Variants in PLEKHA7 observed in about 807,000 individuals in gnomAD.
PLEKHA7 encodes the protein pleckstrin homology domain containing A7.
In PLEKHA7, 104 loss-of-function variants were observed where a neutral mutation model predicts 170.0. The observed-to-expected ratio is 0.61, with a 90% CI of 0.52 to 0.72. The LOEUF (loss-of-function observed/expected upper bound fraction) is 0.72, where lower values mean the gene tolerates loss of function less well. Ranked by LOEUF, PLEKHA7 falls within the 30% of genes least tolerant of loss-of-function variation. The probability of loss-of-function intolerance (pLI) is 0.00; values close to 1 mark genes in which losing one functional copy is unlikely to be tolerated. For synonymous variants in PLEKHA7, 648 were observed against 660.8 expected, an observed-to-expected ratio of 0.98 and a Z score of 0.30; for missense variants, 1,615 against 1,671.7, an observed-to-expected ratio of 0.97 and a Z score of 0.59.
intron 26 of PLEKHA7, among the ~76,000 whole-genome samples, chr11:16,780,665 G>A (rs1848955242): frequency 6.6e-6 from 1 of 152,226 alleles, no homozygotes; most frequent in Admixed American, 6.5e-5. Context: ...GAGAGCAGGG[G>A]ATGGGGGCAC....
chr11:16,987,077 T>C (rs1207127231), intron 3 of PLEKHA7, among the ~76,000 whole-genome samples: 2 of 152,186 alleles, frequency 1.3e-5, no homozygotes, highest in African/African-American at 4.8e-5. Context: ...ATGGGAAATT[T>C]GCAGGCCTCC....
intron 9 of PLEKHA7, among the ~76,000 whole-genome samples, chr11:16,841,128 G>C (rs1161754951): frequency 6.6e-6 from 1 of 152,162 alleles, no homozygotes; most frequent in Non-Finnish European, 1.5e-5. Flanking sequence ...ACAGACTCAG[G>C]AATTTCAAGA....
chr11:16,941,016 C>A (rs1401584333), intron 3 of PLEKHA7, among the ~76,000 whole-genome samples: 5 of 152,186 alleles, frequency 3.3e-5, no homozygotes, highest in Non-Finnish European at 7.3e-5. Flanking sequence ...TGTGGCATGT[C>A]TTTCTCCAAC....
chr11:16,834,936 A>G (rs1009928723), intron 9 of PLEKHA7, among the ~76,000 whole-genome samples: 1 of 152,152 alleles, frequency 6.6e-6, no homozygotes, highest in Non-Finnish European at 1.5e-5. Flanking sequence ...AATGTCTATC[A>G]TGGAATTCTG....
chr11:16,962,495 C>G (rs1156394134), intron 3 of PLEKHA7, among the ~76,000 whole-genome samples: 11 of 152,192 alleles, frequency 7.2e-5, no homozygotes, highest in Admixed American at 7.2e-4. Flanking sequence ...CAGTCTCATA[C>G]CATTGCCCAG....
At chr11:16,892,426 GTGTGTGTGTTT>G (rs71047515) in intron 3 of PLEKHA7, among the ~76,000 whole-genome samples, 4,228 of 76,860 alleles carry the variant, frequency 0.055, 82 homozygotes, top group East Asian at 0.11. Flanking sequence ...GTGTGTGTGT[GTGTGTGTGTTT>G]TGTTTTGTTT....
intron 3 of PLEKHA7, among the ~76,000 whole-genome samples, chr11:16,902,194 C>A (rs1434857133): frequency 1.3e-5 from 2 of 152,194 alleles, no homozygotes; most frequent in Admixed American, 1.3e-4. Flanking sequence ...CTTCCTATGG[C>A]CAGATAATAT....
intron 3 of PLEKHA7, among the ~76,000 whole-genome samples, chr11:16,950,982 C>T (rs1358489094): frequency 6.6e-6 from 1 of 152,168 alleles, no homozygotes; most frequent in Non-Finnish European, 1.5e-5. Flanking sequence ...CCTGCCTCAC[C>T]TTCAAAACTG....
chr11:16,965,555 G>A (rs1329771803), intron 3 of PLEKHA7, among the ~76,000 whole-genome samples: 1 of 152,150 alleles, frequency 6.6e-6, no homozygotes, highest in Non-Finnish European at 1.5e-5. Flanking sequence ...TCTGTAGACA[G>A]AGATGCAAGG....
At chr11:16,946,676 G>A (rs921873855) in intron 3 of PLEKHA7, among the ~76,000 whole-genome samples, 5 of 152,090 alleles carry the variant, frequency 3.3e-5, no homozygotes, top group Admixed American at 6.5e-5. Flanking sequence ...TCTAGGTTTT[G>A]AAGTGAAATT....
chr11:16,782,998 G>C, intron 25 of PLEKHA7, 102 bp from the exon 26 acceptor site: 1 of 1,269,338 alleles, frequency 7.9e-7, no homozygotes, highest in Non-Finnish European at 1.1e-6. Context: ...ATTTTGAGGG[G>C]GATCAGACAA....
intron 10 of PLEKHA7, among the ~76,000 whole-genome samples, chr11:16,823,822 T>C (rs913673381): frequency 3.9e-5 from 6 of 152,326 alleles, no homozygotes; most frequent in Non-Finnish European, 8.8e-5. Context: ...TATTGTAGCA[T>C]TATTCACAAT....
At chr11:16,837,356 C>A (rs1851597937) in intron 9 of PLEKHA7, among the ~76,000 whole-genome samples, 1 of 152,166 alleles carries the variant, frequency 6.6e-6, no homozygotes, top group African/African-American at 2.4e-5. Flanking sequence ...AGCCAGACAT[C>A]ATTCATCAAT....
chr11:16,845,848 C>G (rs1039911279), intron 8 of PLEKHA7, among the ~76,000 whole-genome samples: 2 of 152,042 alleles, frequency 1.3e-5, no homozygotes, highest in Admixed American at 1.3e-4. Flanking sequence ...AGGGGAGGAG[C>G]AGACAGGGTC....
chr11:16,807,847 A>G (rs569962185), intron 13 of PLEKHA7, among the ~76,000 whole-genome samples: 1 of 152,278 alleles, frequency 6.6e-6, no homozygotes, highest in East Asian at 1.9e-4. Context: ...TTCCACCCCA[A>G]GTGATTCTGA....
intron 3 of PLEKHA7, among the ~76,000 whole-genome samples, chr11:16,878,031 C>T (rs1432515217): frequency 2.0e-5 from 3 of 152,176 alleles, no homozygotes; most frequent in East Asian, 3.9e-4. Context: ...ATGAGCCTCC[C>T]TTCCCCGCAA....
chr11:16,856,560 GTAA>G (rs1428251874), intron 4 of PLEKHA7, among the ~76,000 whole-genome samples: 1 of 152,162 alleles, frequency 6.6e-6, no homozygotes, highest in Non-Finnish European at 1.5e-5. Flanking sequence ...TGGGCCCCCA[GTAA>G]GAATATCTGG....
intron 3 of PLEKHA7, among the ~76,000 whole-genome samples, chr11:16,883,033 G>A (rs574151533): frequency 2.4e-4 from 36 of 152,226 alleles, no homozygotes; most frequent in Admixed American, 4.6e-4. Flanking sequence ...GTCAAGGGCC[G>A]TTCTAAGATC....
At chr11:16,833,116 T>C (rs1395353066) in intron 9 of PLEKHA7, among the ~76,000 whole-genome samples, 1 of 152,156 alleles carries the variant, frequency 6.6e-6, no homozygotes, top group Non-Finnish European at 1.5e-5. Context: ...CAGAGTTAAA[T>C]AGGGCAGCTC....
Sources: allele counts gnomAD v4.1 joint callset (sites outside exome capture counted in the v4.1 genomes callset), GRCh38; gene constraint gnomAD v4.1.1; transcripts MANE v1.5; gene names NCBI Gene and HGNC (gene_info 2026-07-23, HGNC 2026-07-21).